Variants in EMCN observed in about 807,000 individuals in gnomAD.
The protein encoded by EMCN is MUC-14.
EMCN carries 37 observed loss-of-function variants against 38.4 expected under a neutral mutation model. The ratio of observed to expected loss-of-function variants is 0.96; its 90% CI spans 0.74 to 1.27. The LOEUF (loss-of-function observed/expected upper bound fraction) is 1.27, where lower values mean the gene tolerates loss of function less well. Ranked by LOEUF, EMCN falls within the 50% of genes most tolerant of loss-of-function variation. EMCN has a pLI of 0.00. For synonymous variants in EMCN, 95 were observed against 100.8 expected, an observed-to-expected ratio of 0.94 and a Z score of 0.35; for missense variants, 318 against 302.8, an observed-to-expected ratio of 1.05 and a Z score of -0.37.
At chr4:100,512,517 A>G (rs574460373) in intron 1 of EMCN, among the ~76,000 whole-genome samples, 2 of 152,140 alleles carry the variant, frequency 1.3e-5, no homozygotes, top group East Asian at 1.9e-4. Context: ...TTAAATTCCT[A>G]TTCTGAGCTG....
At chr4:100,407,076 A>G (rs1726414369) in intron 11 of EMCN, among the ~76,000 whole-genome samples, 2 of 152,160 alleles carry the variant, frequency 1.3e-5, no homozygotes, top group African/African-American at 4.8e-5. Flanking sequence ...TTTGCTTGAT[A>G]AATCTTTCTC....
intron 1 of EMCN, among the ~76,000 whole-genome samples, chr4:100,493,132 T>C (rs1355483911): frequency 6.6e-6 from 1 of 152,188 alleles, no homozygotes; most frequent in African/African-American, 2.4e-5. Flanking sequence ...CGCTATACAG[T>C]CAGTTAACTA....
intron 2 of EMCN, among the ~76,000 whole-genome samples, chr4:100,477,858 A>G (rs1728702999): frequency 6.6e-6 from 1 of 151,906 alleles, no homozygotes; most frequent in Non-Finnish European, 1.5e-5. Context: ...AGTGTATAAA[A>G]CTCCTCCAAA....
intron 4 of EMCN, among the ~76,000 whole-genome samples, chr4:100,456,765 T>A (rs1728028595): frequency 6.6e-6 from 1 of 152,192 alleles, no homozygotes; most frequent in Admixed American, 6.5e-5. Flanking sequence ...CTTATCTACC[T>A]GAAAATAGTT....
At chr4:100,480,572 A>G (rs1472827987) in intron 1 of EMCN, among the ~76,000 whole-genome samples, 1 of 144,312 alleles carries the variant, frequency 6.9e-6, no homozygotes, top group Non-Finnish European at 1.5e-5. Context: ...ATATGTGTAT[A>G]TATATACACA....
intron 1 of EMCN, among the ~76,000 whole-genome samples, chr4:100,481,999 G>A (rs1379740005): frequency 2.0e-5 from 3 of 148,916 alleles, no homozygotes; most frequent in Admixed American, 6.7e-5. Flanking sequence ...AACTACTTAT[G>A]TAAAAATCAT....
intron 1 of EMCN, among the ~76,000 whole-genome samples, chr4:100,516,857 T>G (rs1729772310): frequency 6.6e-6 from 1 of 152,048 alleles, no homozygotes; most frequent in Non-Finnish European, 1.5e-5. Flanking sequence ...AATGTTTTTG[T>G]TTTTTTCCCC....
At chr4:100,408,932 CA>C (rs1726472782) in intron 11 of EMCN, among the ~76,000 whole-genome samples, 1 of 152,172 alleles carries the variant, frequency 6.6e-6, no homozygotes, top group South Asian at 2.1e-4. Context: ...TGGAGGTGCA[CA>C]AATTCCAAGA....
At chr4:100,426,513 CAGGCATTTTTTCTCTCAT>C (rs1727049855) in intron 5 of EMCN, among the ~76,000 whole-genome samples, 1 of 152,122 alleles carries the variant, frequency 6.6e-6, no homozygotes. Flanking sequence ...TGTCCCCTCA[CAGGCATTTTTTCTCTCAT>C]AGGCATTTTC....
At chr4:100,421,675 G>A (rs538249843) in intron 7 of EMCN, among the ~76,000 whole-genome samples, 5 of 152,042 alleles carry the variant, frequency 3.3e-5, no homozygotes, top group Admixed American at 3.3e-4. Context: ...AGAAGCAGAA[G>A]ATGTACTCTA....
intron 1 of EMCN, 105 bp from the exon 2 acceptor site, chr4:100,480,144 C>A (rs1728769121): frequency 2.1e-6 from 2 of 941,758 alleles, no homozygotes; most frequent in African/African-American, 3.5e-5. Flanking sequence ...GAATTTGCAA[C>A]CAATTTTCCA....
At chr4:100,491,694 G>C (rs1387517785) in intron 1 of EMCN, among the ~76,000 whole-genome samples, 2 of 152,174 alleles carry the variant, frequency 1.3e-5, no homozygotes, top group African/African-American at 4.8e-5. Flanking sequence ...AACATGAGGT[G>C]GTTGCAGTGC....
At chr4:100,489,129 C>T (rs1014499656) in intron 1 of EMCN, among the ~76,000 whole-genome samples, 2 of 152,082 alleles carry the variant, frequency 1.3e-5, no homozygotes, top group Non-Finnish European at 2.9e-5. Context: ...GTGTTAGAGC[C>T]TTGTTCAAAT....
At chr4:100,464,611 G>T (rs994904115) in intron 4 of EMCN, among the ~76,000 whole-genome samples, 7 of 151,998 alleles carry the variant, frequency 4.6e-5, no homozygotes, top group African/African-American at 1.7e-4. Context: ...GTGAATGTTA[G>T]ATTTTGTCGA....
In EMCN at chr4:100,401,597, A is replaced by G. The variant is rs140273164; in HGVS notation, c.*40-3224T>C. Among the ~76,000 whole-genome samples the G allele has an allele frequency of 4.4e-3, 670 of 152,310 alleles. 3 individuals are homozygous for G. Among genetic ancestry groups the G allele is most frequent in the Non-Finnish European group, 5.5e-3 (375 of 68,028 alleles). On this transcript the variant is annotated intron_variant, in intron 11 of 11. Coordinates refer to ENST00000296420, the MANE Select transcript of EMCN (RefSeq NM_016242.4). ...TTTATTTTAAAATGAAAGAAAAATA[A>G]TTGAAAAACATGTTAAGCTCTTCTG...
At chr4:100,504,881 C>T (rs1176779176) in intron 1 of EMCN, among the ~76,000 whole-genome samples, 1 of 152,236 alleles carries the variant, frequency 6.6e-6, no homozygotes, top group Non-Finnish European at 1.5e-5. Flanking sequence ...TATCCAGAGG[C>T]CTAACCATCT....
intron 1 of EMCN, among the ~76,000 whole-genome samples, chr4:100,506,218 A>G (rs1729475671): frequency 6.6e-6 from 1 of 152,184 alleles, no homozygotes; most frequent in East Asian, 1.9e-4. Flanking sequence ...AAATGGAAAG[A>G]TTTGGCACCT....
intron 8 of EMCN, among the ~76,000 whole-genome samples, 161 bp downstream of exon 8, chr4:100,421,121 T>C (rs984935261): frequency 6.6e-6 from 1 of 152,070 alleles, no homozygotes; most frequent in Non-Finnish European, 1.5e-5. Flanking sequence ...TCACTAGCAT[T>C]CAGTGGGTGT....
chr4:100,484,782 G>A (rs1728897253), intron 1 of EMCN, among the ~76,000 whole-genome samples: 1 of 152,114 alleles, frequency 6.6e-6, no homozygotes, highest in African/African-American at 2.4e-5. Context: ...GTATCCTAAT[G>A]AAATATAATC....
Sources: gnomAD v4.1 joint callset for allele counts (sites outside exome capture counted in the v4.1 genomes callset) on GRCh38, gnomAD v4.1.1 for gene constraint, MANE v1.5 for transcripts, NCBI Gene and HGNC (gene_info 2026-07-23, HGNC 2026-07-21) for gene names.